NRIP1: variants seen among roughly 807,000 people sequenced by gnomAD.
NRIP1 encodes the protein nuclear receptor-interacting protein 1.
Under a neutral mutation model 75.0 loss-of-function variants are expected in NRIP1, and 28 were observed. The observed-to-expected ratio is 0.37, with a 90% CI of 0.28 to 0.51. The LOEUF is 0.51. Ranked by LOEUF, NRIP1 falls within the 20% of genes least tolerant of loss-of-function variation. The probability of loss-of-function intolerance (pLI) is 0.92; values close to 1 mark genes in which losing one functional copy is unlikely to be tolerated. For synonymous variants in NRIP1, 526 were observed against 487.6 expected (o/e 1.08, Z -1.04); for missense variants, 1,435 against 1,343.7 (o/e 1.07, Z -1.06).
At chr21:15,060,910 A>G (rs2089410188) in intron 1 of NRIP1, among the ~76,000 whole-genome samples, 1 of 152,036 alleles carries the variant, frequency 6.6e-6, no homozygotes, top group Admixed American at 6.5e-5. Flanking sequence ...GTTCCATTCC[A>G]ATGGCCTGTT....
chr21:15,056,273 G>T lies in NRIP1; in HGVS notation c.-538+8472C>A, dbSNP rs978672180. Among the ~76,000 whole-genome samples the T allele has an allele frequency of 2.8e-5, 4 of 142,088 alleles. No individual in the cohort carries two copies. The Admixed American group carries it at 2.8e-4, about 10-fold the overall frequency. The allele number at this position is 142,088 out of a possible 152,430, so 93.2% of individuals were successfully genotyped here. ...ATAACTTCAATTTGTGAAAGCCCAAGCAAAAGAAATTCAAAGTTAAAAAAA... is the reference window on the plus strand; with the variant it reads ...ATAACTTCAATTTGTGAAAGCCCAATCAAAAGAAATTCAAAGTTAAAAAAA... On this transcript the variant is annotated intron_variant, in intron 1 of 3. Coordinates refer to ENST00000318948, the MANE Select transcript of NRIP1 (RefSeq NM_003489.4).
At chr21:14,980,482 T>G (rs2087202812) in intron 3 of NRIP1, among the ~76,000 whole-genome samples, 1 of 151,590 alleles carries the variant, frequency 6.6e-6, no homozygotes, top group Admixed American at 6.6e-5. Context: ...CAAAATAAAA[T>G]AAAATAAAAT....
At chr21:15,052,229 T>G (rs1368667134) in intron 1 of NRIP1, 4 of 152,302 alleles carry the variant, frequency 2.6e-5, no homozygotes, top group African/African-American at 9.6e-5. Context: ...AAAACCTATC[T>G]AATCCCTAGC....
At chr21:14,977,671 T>C (rs983570215) in intron 3 of NRIP1, among the ~76,000 whole-genome samples, 1 of 152,120 alleles carries the variant, frequency 6.6e-6, no homozygotes, top group Non-Finnish European at 1.5e-5. Context: ...TAAAAGAATA[T>C]GCCTGAAGTT....
chr21:14,979,279 A>G (rs2087164702), intron 3 of NRIP1, among the ~76,000 whole-genome samples: 2 of 152,222 alleles, frequency 1.3e-5, no homozygotes, highest in Admixed American at 6.5e-5. Context: ...CTCTATCAAA[A>G]TAAGAAATGT....
Position 14,968,152 on chromosome 21 carries a change from T to C in NRIP1, c.41A>G (p.Asp14Gly). 2 of 1,613,668 alleles carry C rather than the reference T, an allele frequency of 1.2e-6. No homozygotes were observed. Among genetic ancestry groups the C allele is most frequent in the Non-Finnish European group, 1.7e-6 (2 of 1,179,802 alleles). The change falls in exon 4 of 4, where the codon GAT becomes GGT. Residue 14 changes from aspartate (D) to glycine (G), a missense_variant. Asp to Gly is a moderately conservative substitution (Grantham distance 94). Transcript: ENST00000318948. ...TTCTAGGTAAGTTAAAACAATAGAA[T>C]CCTGGTGCACATCAGAGCCAAGCTC... The part of the protein sequence containing the change: ...GEELGSDVHQ[D>G]SIVLTYLEGL...
At chr21:15,057,876 C>A (rs911978846) in intron 1 of NRIP1, among the ~76,000 whole-genome samples, 1 of 152,176 alleles carries the variant, frequency 6.6e-6, no homozygotes, top group Non-Finnish European at 1.5e-5. Context: ...CAATGTCTGG[C>A]ACAAAACGGT....
intron 1 of NRIP1, among the ~76,000 whole-genome samples, chr21:15,053,458 G>A (rs907117223): frequency 6.6e-6 from 1 of 152,178 alleles, no homozygotes; most frequent in African/African-American, 2.4e-5. Flanking sequence ...TTGATCAGAT[G>A]TCATGCCTTA....
intron 3 of NRIP1, among the ~76,000 whole-genome samples, chr21:14,984,252 A>G (rs1469165287): frequency 6.6e-6 from 1 of 152,188 alleles, no homozygotes; most frequent in African/African-American, 2.4e-5. Context: ...ACTTCAGTGG[A>G]AGAAGCAACT....
intron 2 of NRIP1, among the ~76,000 whole-genome samples, chr21:15,018,855 G>A (rs542500574): frequency 1.3e-5 from 2 of 152,206 alleles, no homozygotes; most frequent in South Asian, 4.2e-4. Context: ...AGAACTTCCA[G>A]TCTAGTGTTG....
chr21:15,020,183 A>G (rs75029189), intron 2 of NRIP1, among the ~76,000 whole-genome samples: 2,544 of 152,278 alleles, frequency 0.017, 76 homozygotes, highest in African/African-American at 0.058. Context: ...GCAGGACTTA[A>G]ACTTATCTAA....
chr21:14,975,643 AAGG>A (rs746468855), intron 3 of NRIP1, among the ~76,000 whole-genome samples: 1,911 of 139,098 alleles, frequency 0.014, 50 homozygotes, highest in African/African-American at 0.053. Context: ...AAAAAAAAAA[AAGG>A]AAGGAAGGAA....
At chr21:14,999,790 C>G (rs1021108290) in intron 3 of NRIP1, among the ~76,000 whole-genome samples, 18 of 152,286 alleles carry the variant, frequency 1.2e-4, no homozygotes, top group African/African-American at 4.1e-4. Context: ...AAGTATCACC[C>G]ACATAAAGTT....
rs1005313471 is a variant in NRIP1, at chr21:14,965,297, T to G, written c.2896A>C (p.Lys966Gln). ...GGTTTGCTGTTGGTCACATTATTTT[T>G]GTGTCCTTTCTTTTTACTGTCAGCC... Reference protein sequence around the residue: ...SVADSKKKGHKNNVTNSKPEF... With the variant: ...SVADSKKKGHQNNVTNSKPEF... Residue 966 changes from lysine (K) to glutamine (Q), a missense_variant, in exon 4 of 4, where the codon AAA (lysine) becomes CAA (glutamine). Transcript: ENST00000318948. The G allele has an allele frequency of 6.2e-6, 10 of 1,614,060 alleles. No individual in the cohort carries two copies. Among genetic ancestry groups the G allele is most frequent in the Non-Finnish European group, 8.5e-6 (10 of 1,179,938 alleles).
intron 3 of NRIP1, among the ~76,000 whole-genome samples, chr21:14,972,760 A>G (rs2086937163): frequency 6.6e-6 from 1 of 152,158 alleles, no homozygotes; most frequent in Admixed American, 6.5e-5. Context: ...AAACTGTTCC[A>G]CCTCAGATCA....
chr21:14,981,528 T>C (rs2087233924), intron 3 of NRIP1, among the ~76,000 whole-genome samples: 1 of 152,170 alleles, frequency 6.6e-6, no homozygotes. Flanking sequence ...CAGGAGGCTT[T>C]AGAGGATGAC....
chr21:15,046,294 T>C (rs1478723602), intron 1 of NRIP1, among the ~76,000 whole-genome samples: 2 of 152,240 alleles, frequency 1.3e-5, no homozygotes, highest in Non-Finnish European at 2.9e-5. Flanking sequence ...AGATGTTGTA[T>C]TAGCAGCCAT....
chr21:15,042,431 T>C (rs1199547134), intron 2 of NRIP1, among the ~76,000 whole-genome samples: 1 of 152,196 alleles, frequency 6.6e-6, no homozygotes, highest in Admixed American at 6.5e-5. Context: ...ATTAGTCAAA[T>C]TGGCTGGCAT....
chr21:15,041,925 G>C (rs2088964299), intron 2 of NRIP1, among the ~76,000 whole-genome samples: 1 of 152,028 alleles, frequency 6.6e-6, no homozygotes, highest in Admixed American at 6.5e-5. Context: ...GACCTAATTT[G>C]CTTATTTACA....
Sources: allele counts gnomAD v4.1 joint callset (sites outside exome capture counted in the v4.1 genomes callset), GRCh38; gene constraint gnomAD v4.1.1; transcripts MANE v1.5; gene names NCBI Gene and HGNC (gene_info 2026-07-23, HGNC 2026-07-21).